The following FMN1 variants were observed in gnomAD, a reference collection of about 807,000 sequenced individuals.
FMN1 encodes formin-1.
In FMN1, 110 loss-of-function variants were observed where a neutral mutation model predicts 132.4. That is an observed-to-expected ratio of 0.83 (90% confidence interval 0.71 to 0.97). The LOEUF (loss-of-function observed/expected upper bound fraction) is 0.97. Among genes scored for constraint, FMN1 ranks in the 50% least tolerant of loss-of-function variants. FMN1 has a pLI of 0.00. For synonymous variants in FMN1, 722 were observed against 651.7 expected (o/e 1.11, Z -1.64); for missense variants, 1,792 against 1,705.3 (o/e 1.05, Z -0.90).
chr15:33,055,573 C>T (rs1319464253), intron 6 of FMN1, among the ~76,000 whole-genome samples: 1 of 149,046 alleles, frequency 6.7e-6, no homozygotes, highest in East Asian at 2.0e-4. Flanking sequence ...GTAATTTGGA[C>T]AGAAAAACAA....
chr15:33,083,601 T>C (rs1256523097), intron 5 of FMN1, among the ~76,000 whole-genome samples: 1 of 152,228 alleles, frequency 6.6e-6, no homozygotes, highest in Non-Finnish European at 1.5e-5. Context: ...CCTCACCCTA[T>C]GTATCTCTTG....
chr15:32,774,924 T>C (rs1388246206), intron 20 of FMN1, among the ~76,000 whole-genome samples: 1 of 152,084 alleles, frequency 6.6e-6, no homozygotes, highest in East Asian at 1.9e-4. Context: ...GGGAAGGACA[T>C]GGACATCTGC....
At chr15:32,834,039 C>G (rs761564128) in intron 17 of FMN1, among the ~76,000 whole-genome samples, 7 of 152,180 alleles carry the variant, frequency 4.6e-5, no homozygotes, top group Non-Finnish European at 1.0e-4. Context: ...TCAGAACCTC[C>G]TGGCATTTAT....
At chr15:32,906,411 G>A (rs558635263) in intron 12 of FMN1, among the ~76,000 whole-genome samples, 2 of 152,298 alleles carry the variant, frequency 1.3e-5, no homozygotes, top group East Asian at 3.9e-4. Flanking sequence ...TGTCATTGGG[G>A]CACAGCGATA....
At chr15:32,926,284 A>C in intron 9 of FMN1, 23 bp from the exon 10 acceptor site, 1 of 1,343,794 alleles carries the variant, frequency 7.4e-7, no homozygotes, top group Non-Finnish European at 1.0e-6. Context: ...AAAAAAAAAA[A>C]AGAATACAAG....
intron 9 of FMN1, among the ~76,000 whole-genome samples, chr15:32,961,952 C>T (rs2030608398): frequency 6.6e-6 from 1 of 152,018 alleles, no homozygotes; most frequent in Non-Finnish European, 1.5e-5. Context: ...ACTCAGAAGC[C>T]ACCGTCATAA....
Position 33,151,138 on chromosome 15 carries a change from G to A in FMN1, c.1867+1910C>T, listed in dbSNP as rs965628743. 46 of 1,431,682 alleles carry A rather than the reference G, an allele frequency of 3.2e-5. No homozygotes were observed. In the Admixed American group the frequency reaches 4.9e-4, roughly 15 times the overall value. 88.7% of individuals were successfully genotyped at this position (1,431,682 alleles called of 1,614,324 possible). ...AACTAGACAGAGGATACAAATCAAA[G>A]GTACTATCTGGGGAACTCCCTCCCT... On this transcript the variant is annotated intron_variant, in intron 4 of 20. Transcript: ENST00000616417.
intron 19 of FMN1, among the ~76,000 whole-genome samples, chr15:32,793,783 A>G (rs1172581870): frequency 6.6e-6 from 1 of 152,244 alleles, no homozygotes; most frequent in Non-Finnish European, 1.5e-5. Context: ...ATTTAACTAC[A>G]TAACACAGGG....
chr15:32,934,314 T>G (rs2061202143), intron 9 of FMN1, among the ~76,000 whole-genome samples: 2 of 152,168 alleles, frequency 1.3e-5, no homozygotes, highest in South Asian at 4.1e-4. Context: ...CGTATTTTTA[T>G]AATTATATTT....
chr15:33,178,479 G>GT (rs569513882), intron 3 of FMN1, among the ~76,000 whole-genome samples: 251 of 152,272 alleles, frequency 1.6e-3, no homozygotes, highest in South Asian at 0.011. Flanking sequence ...CTGTTAGATT[G>GT]TTTTGTCCAA....
chr15:33,185,388 G>A (rs544677098), intron 2 of FMN1, among the ~76,000 whole-genome samples: 8 of 151,888 alleles, frequency 5.3e-5, no homozygotes, highest in Admixed American at 5.2e-4. Context: ...TCTGGGTTTT[G>A]TATTATTATA....
chr15:33,058,310 G>GA (rs1042591865), intron 6 of FMN1, among the ~76,000 whole-genome samples: 26 of 152,110 alleles, frequency 1.7e-4, no homozygotes, highest in African/African-American at 5.8e-4. Context: ...ATGGAGTATC[G>GA]ACCTCATTCT....
chr15:33,128,785 G>C (rs577587039), intron 4 of FMN1, among the ~76,000 whole-genome samples: 2 of 152,212 alleles, frequency 1.3e-5, no homozygotes, highest in Non-Finnish European at 2.9e-5. Context: ...CCCAAACGGT[G>C]AGCAGCAGCA....
chr15:32,888,429 A>G (rs1438683298), intron 15 of FMN1, 137 bp from the exon 16 acceptor site: 2 of 699,384 alleles, frequency 2.9e-6, no homozygotes, highest in Non-Finnish European at 4.4e-6. Context: ...CTCCTCTGCT[A>G]TTCCTAAATT....
At chr15:33,060,416 A>G (rs1439884124) in intron 6 of FMN1, among the ~76,000 whole-genome samples, 1 of 152,238 alleles carries the variant, frequency 6.6e-6, no homozygotes, top group Non-Finnish European at 1.5e-5. Flanking sequence ...CTCATTTTAT[A>G]ATGACGTAAA....
chr15:32,840,293 T>G (rs1185864679), intron 17 of FMN1, among the ~76,000 whole-genome samples: 4 of 152,210 alleles, frequency 2.6e-5, no homozygotes, highest in Non-Finnish European at 5.9e-5. Flanking sequence ...TGGCTTTTTT[T>G]CTGGAGAGGA....
intron 7 of FMN1, among the ~76,000 whole-genome samples, chr15:32,986,379 C>T (rs1180969978): frequency 6.6e-6 from 1 of 152,076 alleles, no homozygotes. Flanking sequence ...AGAAGATTCC[C>T]TGACCACAGG....
chr15:32,981,562 A>ATTG (rs2032678760), intron 7 of FMN1, among the ~76,000 whole-genome samples: 2 of 148,164 alleles, frequency 1.3e-5, no homozygotes, highest in African/African-American at 4.9e-5. Flanking sequence ...TATTATTATT[A>ATTG]TTACATTCTG....
intron 17 of FMN1, among the ~76,000 whole-genome samples, chr15:32,840,051 T>A (rs1253317533): frequency 6.6e-6 from 1 of 152,138 alleles, no homozygotes; most frequent in East Asian, 1.9e-4. Context: ...AAGTGATGAA[T>A]CCTCCCCGGG....
Sources: allele counts gnomAD v4.1 joint callset (sites outside exome capture counted in the v4.1 genomes callset), GRCh38; gene constraint gnomAD v4.1.1; transcripts MANE v1.5; gene names NCBI Gene and HGNC (gene_info 2026-07-23, HGNC 2026-07-21).